RAP1A: variants seen among roughly 807,000 people sequenced by gnomAD.
RAP1A encodes ras-related protein Rap-1A.
In RAP1A, 6 loss-of-function variants were observed where a neutral mutation model predicts 26.4. That is an observed-to-expected ratio of 0.23 (90% CI 0.12 to 0.45). The LOEUF (loss-of-function observed/expected upper bound fraction) is 0.45, where lower values mean the gene tolerates loss of function less well. Among genes scored for constraint, RAP1A ranks in the 20% least tolerant of loss-of-function variants. RAP1A has a pLI of 0.99. For missense variants in RAP1A, 121 were observed against 217.2 expected (o/e 0.56, Z 2.78); for synonymous variants, 73 against 79.4 (o/e 0.92, Z 0.43).
chr1:111,697,554 C>A, intron 4 of RAP1A, 57 bp downstream of exon 4: 1 of 1,600,474 alleles, frequency 6.2e-7, no homozygotes, highest in Admixed American at 1.8e-5. Flanking sequence ...GTTTTGTCAT[C>A]TGAGTAGGTT....
intron 1 of RAP1A, among the ~76,000 whole-genome samples, chr1:111,644,600 A>T (rs746606814): frequency 3.8e-4 from 58 of 152,212 alleles, no homozygotes; most frequent in Non-Finnish European, 1.3e-4. Flanking sequence ...CAAGGCTGTT[A>T]CCAAAAGAAG....
chr1:111,577,841 G>T (rs1658177110), intron 1 of RAP1A, among the ~76,000 whole-genome samples: 1 of 152,038 alleles, frequency 6.6e-6, no homozygotes, highest in African/African-American at 2.4e-5. Context: ...AGGCAGTTGG[G>T]GCTGTGGGCC....
Position 111,556,639 on chromosome 1 carries a change from T to C in RAP1A, c.-28+14130T>C, listed in dbSNP as rs1657502714. ...CTTGAGGACATTATGCTAAGTGAAA[T>C]AAGTCAGTCACAACAAGATGAATAT... is the stretch of plus-strand genomic sequence containing the variant. On this transcript the variant is annotated intron_variant, in intron 1 of 7. Coordinates refer to the RAP1A transcript ENST00000356415. Among the ~76,000 whole-genome samples the C allele has an allele frequency of 2.0e-5, 3 of 152,156 alleles. No individual in the cohort carries two copies. The South Asian group carries it at 6.2e-4, about 32-fold the overall frequency.
chr1:111,652,593 A>C (rs965234550), intron 1 of RAP1A, among the ~76,000 whole-genome samples: 1 of 152,128 alleles, frequency 6.6e-6, no homozygotes, highest in African/African-American at 2.4e-5. Flanking sequence ...CTGACTATGG[A>C]TTAGAAGAAT....
At chr1:111,573,470 G>A (rs1358863769) in intron 1 of RAP1A, among the ~76,000 whole-genome samples, 1 of 152,132 alleles carries the variant, frequency 6.6e-6, no homozygotes, top group African/African-American at 2.4e-5. Context: ...GAGTAGCTGG[G>A]ACTACAGGGA....
At chr1:111,556,646 G>T (rs910411866) in intron 1 of RAP1A, among the ~76,000 whole-genome samples, 5 of 152,186 alleles carry the variant, frequency 3.3e-5, no homozygotes, top group Admixed American at 6.5e-5. Flanking sequence ...AAATAAGTCA[G>T]TCACAACAAG....
chr1:111,564,509 ACT>A (rs1393854468), intron 1 of RAP1A, among the ~76,000 whole-genome samples: 1 of 110,188 alleles, frequency 9.1e-6, no homozygotes, highest in Non-Finnish European at 1.8e-5. Flanking sequence ...TGAGACCCCA[ACT>A]CTTTTTTTTT....
chr1:111,542,751 CA>C (rs1441481407), intron 1 of RAP1A, among the ~76,000 whole-genome samples: 5 of 151,958 alleles, frequency 3.3e-5, no homozygotes, highest in African/African-American at 9.7e-5. Flanking sequence ...GGCTGGAGTG[CA>C]GTGGTTCTGT....
At chr1:111,587,062 C>A (rs1396359495) in intron 1 of RAP1A, among the ~76,000 whole-genome samples, 1 of 152,098 alleles carries the variant, frequency 6.6e-6, no homozygotes, top group African/African-American at 2.4e-5. Flanking sequence ...TTCTTATCCT[C>A]CCCTGCAGCT....
chr1:111,704,625 T>C (rs1217708852), intron 6 of RAP1A, 139 bp downstream of exon 6: 4 of 926,432 alleles, frequency 4.3e-6, no homozygotes, highest in Non-Finnish European at 6.1e-6. Context: ...AAGTAATTCC[T>C]GGAAACTATA....
rs181093795 is a variant in RAP1A at position 111,715,884 on chromosome 1, C to T, written c.*3483C>T. The T allele has an allele frequency of 7.9e-5, 12 of 152,306 alleles. No homozygotes were observed. Among genetic ancestry groups the T allele is most frequent in the Non-Finnish European group, 1.6e-4 (11 of 68,022 alleles). The allele number at this position is 152,306 out of a possible 1,614,324, so 9.4% of individuals were successfully genotyped here. A position where few individuals can be genotyped will look rare whatever the true frequency, so the allele number is the denominator to read the frequency against. ...TTGCCCCATTACCCTTGTAGATACA[C>T]ATGTATTTGTCAGTTTATGTGCCTC... On this transcript the variant is annotated 3_prime_UTR_variant, in exon 8 of 8. Coordinates refer to ENST00000369709, the MANE Select transcript of RAP1A (RefSeq NM_002884.4).
At chr1:111,581,393 G>T (rs765584234) in intron 1 of RAP1A, among the ~76,000 whole-genome samples, 1 of 152,186 alleles carries the variant, frequency 6.6e-6, no homozygotes, top group African/African-American at 2.4e-5. Flanking sequence ...TGTCACAACT[G>T]GGGTAGAGGA....
At chr1:111,575,810 G>C (rs970444085) in intron 1 of RAP1A, among the ~76,000 whole-genome samples, 1 of 152,146 alleles carries the variant, frequency 6.6e-6, no homozygotes, top group African/African-American at 2.4e-5. Context: ...AAACCACTCA[G>C]CCTGGGGCAT....
intron 1 of RAP1A, among the ~76,000 whole-genome samples, chr1:111,688,262 AGTCTGT>A (rs1266408759): frequency 3.0e-5 from 4 of 132,196 alleles, no homozygotes; most frequent in African/African-American, 1.1e-4. Flanking sequence ...CTTCACAAGA[AGTCTGT>A]GTGTGTGTGT....
chr1:111,549,774 A>T (rs1657187191), intron 1 of RAP1A, among the ~76,000 whole-genome samples: 2 of 151,916 alleles, frequency 1.3e-5, no homozygotes, highest in Admixed American at 6.6e-5. Flanking sequence ...GCAGCCCCCC[A>T]TGTATCTAGA....
intron 1 of RAP1A, among the ~76,000 whole-genome samples, chr1:111,652,033 G>A (rs781582900): frequency 1.5e-4 from 23 of 152,018 alleles, no homozygotes; most frequent in Non-Finnish European, 2.8e-4. Context: ...AAGTGTAGTG[G>A]TGCAGTCTTG....
intron 3 of RAP1A, among the ~76,000 whole-genome samples, chr1:111,696,039 A>T (rs143097848): frequency 6.6e-5 from 10 of 152,224 alleles, no homozygotes; most frequent in African/African-American, 2.4e-4. Context: ...AGTATGTGGG[A>T]AATCTCTGCA....
At chr1:111,666,611 A>G (rs1186641977) in intron 1 of RAP1A, among the ~76,000 whole-genome samples, 1 of 151,756 alleles carries the variant, frequency 6.6e-6, no homozygotes, top group Non-Finnish European at 1.5e-5. Flanking sequence ...GATATTCAGC[A>G]GTCTAATTTA....
intron 1 of RAP1A, among the ~76,000 whole-genome samples, chr1:111,593,416 T>G (rs1304165513): frequency 6.6e-6 from 1 of 152,182 alleles, no homozygotes; most frequent in African/African-American, 2.4e-5. Flanking sequence ...TTGTACTTTT[T>G]TGTTTGTTGG....
Sources: allele counts gnomAD v4.1 joint callset (sites outside exome capture counted in the v4.1 genomes callset), GRCh38; gene constraint gnomAD v4.1.1; transcripts MANE v1.5; gene names NCBI Gene and HGNC (gene_info 2026-07-23, HGNC 2026-07-21).